The following ECE1 variants were observed in gnomAD, a reference collection of about 807,000 sequenced individuals.
ECE1 encodes endothelin converting enzyme 1.
A neutral mutation model predicts 98.6 loss-of-function variants in ECE1; 35 were observed. That is an observed-to-expected ratio of 0.35 (90% CI 0.27 to 0.47). The LOEUF (loss-of-function observed/expected upper bound fraction) is 0.47. Ranked by LOEUF, ECE1 falls within the 20% of genes least tolerant of loss-of-function variation. ECE1 has a pLI of 1.00. For missense variants in ECE1, 814 were observed against 1,025.3 expected, an observed-to-expected ratio of 0.79 and a Z score of 2.81; for synonymous variants, 394 against 407.1, an observed-to-expected ratio of 0.97 and a Z score of 0.39.
At chr1:21,323,615 C>A (rs1264781734) in intron 1 of ECE1, among the ~76,000 whole-genome samples, 1 of 148,644 alleles carries the variant, frequency 6.7e-6, no homozygotes, top group Non-Finnish European at 1.5e-5. Context: ...CGGAGTGGCA[C>A]CCCGTCCCAA....
At chr1:21,255,493 G>GA (rs2098218740) in intron 8 of ECE1, among the ~76,000 whole-genome samples, 3 of 152,190 alleles carry the variant, frequency 2.0e-5, no homozygotes, top group Admixed American at 1.3e-4. Flanking sequence ...GCCCATCTGC[G>GA]GCTGGCTCCT....
intron 13 of ECE1, among the ~76,000 whole-genome samples, chr1:21,234,140 A>G (rs1341848378): frequency 3.3e-5 from 5 of 151,884 alleles, no homozygotes; most frequent in Non-Finnish European, 7.4e-5. Flanking sequence ...GGCGCATGCC[A>G]CCAAGCCCAG....
intron 7 of ECE1, 91 bp from the exon 8 acceptor site, chr1:21,256,229 C>T: frequency 6.9e-7 from 1 of 1,439,084 alleles, no homozygotes. Context: ...CCAAGTCCGG[C>T]ACAGGGAGCC....
intron 4 of ECE1, among the ~76,000 whole-genome samples, chr1:21,270,233 C>G (rs1264499136): frequency 6.6e-6 from 1 of 152,200 alleles, no homozygotes; most frequent in African/African-American, 2.4e-5. Flanking sequence ...GTTGCTGCAT[C>G]TATAAAATGG....
chr1:21,284,930 G>A (rs910828866), intron 2 of ECE1, among the ~76,000 whole-genome samples: 1 of 152,224 alleles, frequency 6.6e-6, no homozygotes, highest in Non-Finnish European at 1.5e-5. Context: ...GCTCCCTGGA[G>A]TAAGCCTTTG....
rs2098235891 is a variant in ECE1, at chr1:21,267,885, A to G, written c.493+4814T>C. ...GCGATGTCACAGGGTGACATGATTA[A>G]TTGCCACATCACCGACATGGACACG... On this transcript the variant is annotated intron_variant, in intron 4 of 18. Transcript: ENST00000374893. 3.3e-5 allele frequency among the ~76,000 whole-genome samples: 5 copies of G among 152,230 alleles called. No individual in the cohort carries two copies. In the South Asian group the frequency reaches 1.0e-3, roughly 32 times the overall value.
chr1:21,317,539 C>A (rs543110794), intron 1 of ECE1, among the ~76,000 whole-genome samples: 2 of 152,340 alleles, frequency 1.3e-5, no homozygotes, highest in South Asian at 4.1e-4. Flanking sequence ...GTCCCCTGAC[C>A]GGGATGGAGT....
At position 21,319,353 on chromosome 1, in the gene ECE1, AATAATCATAATC is replaced by A. The variant is rs375109003; in HGVS notation, c.3+26011_3+26022del. On this transcript the variant is annotated intron_variant, in intron 1 of 18. Transcript: ENST00000415912. This position sits in a 1 kb window ranked among gnomAD's most constrained non-coding sequence, Gnocchi z 4.4. ...GAGCGAGACTCCGTCTCAAAATAAT[AATAATCATAATC>A]ATAATCATAATCATAATCATAAAGT... Among the ~76,000 whole-genome samples the A allele has an allele frequency of 9.3e-5, 14 of 150,066 alleles. No individual in the cohort carries two copies. The East Asian group carries it at 1.6e-3, about 17-fold the overall frequency.
At chr1:21,224,569 G>C (rs530886078) in intron 17 of ECE1, among the ~76,000 whole-genome samples, 1 of 152,048 alleles carries the variant, frequency 6.6e-6, no homozygotes, top group Admixed American at 6.5e-5. Flanking sequence ...ACTTAAGAAG[G>C]CCTCAATAAA....
At chr1:21,275,026 G>A (rs2103328536) in intron 3 of ECE1, among the ~76,000 whole-genome samples, 1 of 152,298 alleles carries the variant, frequency 6.6e-6, no homozygotes, top group East Asian at 1.9e-4. Context: ...AGCCTGTTGA[G>A]TATTACGATA....
chr1:21,267,897 C>T (rs950267794), intron 4 of ECE1, among the ~76,000 whole-genome samples: 1 of 152,238 alleles, frequency 6.6e-6, no homozygotes, highest in Admixed American at 6.5e-5. Flanking sequence ...TGCCACATCA[C>T]CGACATGGAC....
chr1:21,220,530 C>T lies in ECE1; in HGVS notation c.2137-399G>A, dbSNP rs1016256822. Among the ~76,000 whole-genome samples, 4 of 151,988 alleles carry T rather than the reference C, an allele frequency of 2.6e-5. No individual in the cohort carries two copies. The highest frequency in any genetic ancestry group is 2.1e-4 in the South Asian group (1 of 4,824). ...CAAAACAAGGTTGGGTGTGGTGGCT[C>T]ATACCTGTAATCCCAGCACTTTAAG... On this transcript the variant is annotated intron_variant, in intron 18 of 18. Coordinates refer to ENST00000374893, the MANE Select transcript of ECE1 (RefSeq NM_001397.3). The surrounding 1 kb of genome is among the most constrained non-coding windows in gnomAD (Gnocchi z 5.0).
In ECE1 at chr1:21,234,982, T is replaced by C. The variant is rs543416297; in HGVS notation, c.1566+868A>G. 2.3e-4 allele frequency among the ~76,000 whole-genome samples: 35 copies of C among 152,266 alleles called. 1 individual carries two copies. The highest frequency in any genetic ancestry group is 6.3e-4 in the African/African-American group (26 of 41,564). ...ATCTCAGAATGAGTCTTTATAGTCT[T>C]AGGTTCTAAATATAACCATGACGAG... On this transcript the variant is annotated intron_variant, in intron 13 of 18. Transcript: ENST00000374893.
intron 1 of ECE1, among the ~76,000 whole-genome samples, chr1:21,306,268 C>T (rs1638594704): frequency 6.6e-6 from 1 of 151,514 alleles, no homozygotes; most frequent in South Asian, 2.1e-4. Flanking sequence ...GCAATATTAA[C>T]AATAGCATCT....
intron 4 of ECE1, among the ~76,000 whole-genome samples, chr1:21,265,622 C>T (rs575105510): frequency 2.6e-5 from 4 of 152,296 alleles, no homozygotes; most frequent in South Asian, 4.2e-4. Flanking sequence ...CATAGCCCCT[C>T]GTTCAGGCCC....
chr1:21,298,067 T>C (rs1327656018), intron 1 of ECE1: 1 of 152,984 alleles, frequency 6.5e-6, no homozygotes, highest in Non-Finnish European at 1.5e-5. Flanking sequence ...TTCTAACTCC[T>C]GGGCTCAAGC....
chr1:21,284,285 T>C (rs1229032677), intron 2 of ECE1, among the ~76,000 whole-genome samples: 6 of 151,764 alleles, frequency 4.0e-5, no homozygotes, highest in Non-Finnish European at 8.8e-5. Flanking sequence ...GCTTGGAGGG[T>C]AGGAGGATTG....
At chr1:21,267,510 G>A (rs747473354) in intron 4 of ECE1, among the ~76,000 whole-genome samples, 1 of 152,082 alleles carries the variant, frequency 6.6e-6, no homozygotes, top group Non-Finnish European at 1.5e-5. Flanking sequence ...AGAACAGCAC[G>A]GGAAAGAGCC....
intron 1 of ECE1, among the ~76,000 whole-genome samples, chr1:21,309,066 C>T (rs1638660600): frequency 6.6e-6 from 1 of 152,234 alleles, no homozygotes; most frequent in African/African-American, 2.4e-5. Flanking sequence ...GCCAGGACAG[C>T]ACCTCGTGTC....
Sources: allele counts gnomAD v4.1 joint callset (sites outside exome capture counted in the v4.1 genomes callset), GRCh38; gene constraint gnomAD v4.1.1; non-coding constraint Gnocchi (gnomAD v3.1); transcripts MANE v1.5; gene names NCBI Gene and HGNC (gene_info 2026-07-23, HGNC 2026-07-21).